TMEM117: variants seen among roughly 807,000 people sequenced by gnomAD.
TMEM117 encodes the protein transmembrane protein 117.
Under a neutral mutation model 52.4 loss-of-function variants are expected in TMEM117, and 27 were observed. That is an observed-to-expected ratio of 0.51 (90% CI 0.38 to 0.71). The LOEUF is 0.71. TMEM117 is among the 30% of genes least tolerant of loss of function. The pLI, the probability that TMEM117 is intolerant of heterozygous loss-of-function variation, is 0.00. For synonymous variants in TMEM117, 215 were observed against 206.3 expected (o/e 1.04, Z -0.36); for missense variants, 556 against 630.5 (o/e 0.88, Z 1.26).
intron 2 of TMEM117, among the ~76,000 whole-genome samples, chr12:43,865,695 C>T (rs1280144599): frequency 3.8e-4 from 56 of 146,048 alleles, no homozygotes; most frequent in African/African-American, 1.4e-3. Flanking sequence ...AGACTCCGTC[C>T]CAAAAAAAGA....
chr12:43,827,567 C>T, the TMEM117 span, among the ~76,000 whole-genome samples: 5,774 of 152,178 alleles, frequency 0.038, 129 homozygotes, highest in African/African-American at 0.042. Flanking sequence ...TACAAAAACA[C>T]ATTATCTTTA....
intron 5 of TMEM117, among the ~76,000 whole-genome samples, chr12:44,221,390 C>T (rs1949786556): frequency 6.6e-6 from 1 of 152,182 alleles, no homozygotes; most frequent in South Asian, 2.1e-4. Flanking sequence ...AGCAACCACT[C>T]TCTTATAGCC....
At chr12:44,093,759 G>T (rs951754055) in intron 3 of TMEM117, among the ~76,000 whole-genome samples, 1 of 152,070 alleles carries the variant, frequency 6.6e-6, no homozygotes, top group South Asian at 2.1e-4. Context: ...AGGGACAGAG[G>T]TGGAATGTGA....
chr12:43,953,352 T>C (rs1395988372), intron 3 of TMEM117, among the ~76,000 whole-genome samples: 1 of 152,060 alleles, frequency 6.6e-6, no homozygotes, highest in Non-Finnish European at 1.5e-5. Flanking sequence ...AGACACAGAA[T>C]GGCAAGCTGG....
intron 5 of TMEM117, among the ~76,000 whole-genome samples, chr12:44,290,289 T>A (rs1950688525): frequency 6.6e-6 from 1 of 152,190 alleles, no homozygotes; most frequent in South Asian, 2.1e-4. Flanking sequence ...ATACAAAAAA[T>A]CATTGCCAAT....
intron 4 of TMEM117, among the ~76,000 whole-genome samples, chr12:44,166,978 A>G (rs1948976133): frequency 6.6e-6 from 1 of 152,226 alleles, no homozygotes; most frequent in Non-Finnish European, 1.5e-5. Context: ...TGAACAAACT[A>G]ATTTTGCAAT....
At chr12:44,230,037 C>T (rs1949912932) in intron 5 of TMEM117, among the ~76,000 whole-genome samples, 1 of 152,064 alleles carries the variant, frequency 6.6e-6, no homozygotes, top group African/African-American at 2.4e-5. Context: ...TAAAAGCAAC[C>T]TATTATCTTC....
At chr12:43,804,337 T>C in the TMEM117 span, 14 of 606,774 alleles carry the variant, frequency 2.3e-5, no homozygotes, top group African/African-American at 3.8e-5. Flanking sequence ...TAGGGGCCCA[T>C]AGGGACCTGC....
Position 44,054,671 on chromosome 12 carries a change from GA to G in TMEM117, c.411-88853del, listed in dbSNP as rs1357790580. ...TATTTGTTAGGTTGTATGTGACAAT[GA>G]TACTTTCCTTATGGATACCAATAGG... On this transcript the variant is annotated intron_variant, in intron 3 of 7. Coordinates refer to ENST00000266534, the MANE Select transcript of TMEM117 (RefSeq NM_032256.3). Among the ~76,000 whole-genome samples, 26 of 150,948 alleles carry G rather than the reference GA, an allele frequency of 1.7e-4. No individual in the cohort carries two copies. The East Asian group carries it at 4.7e-3, about 27-fold the overall frequency.
intron 5 of TMEM117, among the ~76,000 whole-genome samples, chr12:44,234,358 GT>G: frequency 6.6e-6 from 1 of 151,276 alleles, no homozygotes. Context: ...CATTTGTCCA[GT>G]TTTTTCTACA....
chr12:43,909,709 CA>C (rs1164240821), intron 2 of TMEM117, among the ~76,000 whole-genome samples: 22 of 151,848 alleles, frequency 1.4e-4, no homozygotes, highest in African/African-American at 5.1e-4. Context: ...GAGAATACTA[CA>C]AACACCTCTA....
intron 2 of TMEM117, among the ~76,000 whole-genome samples, chr12:43,909,916 C>T: frequency 7.6e-6 from 1 of 131,442 alleles, no homozygotes. Flanking sequence ...ATCAGAGGTA[C>T]AAGGAGGAAC....
intron 3 of TMEM117, among the ~76,000 whole-genome samples, chr12:44,097,447 A>G (rs545168212): frequency 1.3e-5 from 2 of 152,192 alleles, no homozygotes; most frequent in South Asian, 4.1e-4. Flanking sequence ...TCACAATAGC[A>G]AAGACTTGGA....
chr12:44,214,398 C>A (rs1227604521), intron 5 of TMEM117, among the ~76,000 whole-genome samples: 3 of 151,940 alleles, frequency 2.0e-5, no homozygotes, highest in Admixed American at 6.6e-5. Context: ...AAACTCCTGA[C>A]CACAGATGAT....
At chr12:44,360,306 G>A (rs937088054) in intron 6 of TMEM117, among the ~76,000 whole-genome samples, 2 of 152,096 alleles carry the variant, frequency 1.3e-5, no homozygotes, top group African/African-American at 4.8e-5. Context: ...TAGGTCGGGC[G>A]CAGTGGCTCA....
chr12:44,132,069 G>A (rs1948422515), intron 3 of TMEM117, among the ~76,000 whole-genome samples: 2 of 152,050 alleles, frequency 1.3e-5, no homozygotes, highest in Non-Finnish European at 2.9e-5. Context: ...CTCTGTGCAT[G>A]GATAGGCTTA....
intron 3 of TMEM117, among the ~76,000 whole-genome samples, chr12:44,124,871 G>C (rs532031279): frequency 3.2e-4 from 49 of 152,208 alleles, no homozygotes; most frequent in Admixed American, 2.2e-3. Flanking sequence ...TTCTTTCTTT[G>C]TTGTATCTCT....
At chr12:44,381,380 G>A (rs1393968345) in intron 7 of TMEM117, among the ~76,000 whole-genome samples, 1 of 152,054 alleles carries the variant, frequency 6.6e-6, no homozygotes, top group Non-Finnish European at 1.5e-5. Context: ...TTGAAAATGC[G>A]ATGTACTAAA....
At chr12:43,966,984 G>A (rs78675197) in intron 3 of TMEM117, among the ~76,000 whole-genome samples, 1,600 of 152,200 alleles carry the variant, frequency 0.011, 27 homozygotes, top group East Asian at 0.042. Context: ...CTGTGTAGTG[G>A]GCAGCCTCTG....
Sources: gnomAD v4.1 joint callset for allele counts (sites outside exome capture counted in the v4.1 genomes callset) on GRCh38, gnomAD v4.1.1 for gene constraint, MANE v1.5 for transcripts, NCBI Gene and HGNC (gene_info 2026-07-23, HGNC 2026-07-21) for gene names.